The following ASB5 variants were observed in gnomAD, a reference collection of about 807,000 sequenced individuals.
ASB5 encodes the protein ankyrin repeat and SOCS box containing 5.
A neutral mutation model predicts 42.1 loss-of-function variants in ASB5; 45 were observed. The observed-to-expected ratio is 1.07, with a 90% CI of 0.84 to 1.37. The LOEUF (loss-of-function observed/expected upper bound fraction) is 1.37, where lower values mean the gene tolerates loss of function less well. ASB5 is among the 40% of genes most tolerant of loss of function. The probability of loss-of-function intolerance (pLI) is 0.00; values close to 1 mark genes in which losing one functional copy is unlikely to be tolerated. For synonymous variants in ASB5, 147 were observed against 150.6 expected, an observed-to-expected ratio of 0.98 and a Z score of 0.18; for missense variants, 402 against 399.8, an observed-to-expected ratio of 1.01 and a Z score of -0.05.
At chr4:176,222,704 T>C (rs974749088) in intron 2 of ASB5, among the ~76,000 whole-genome samples, 2 of 152,024 alleles carry the variant, frequency 1.3e-5, no homozygotes, top group African/African-American at 2.4e-5. Flanking sequence ...TTTCTTAATA[T>C]TTTTTTATCC....
intron 5 of ASB5, among the ~76,000 whole-genome samples, chr4:176,218,624 A>G (rs1753062595): frequency 9.3e-6 from 1 of 107,570 alleles, no homozygotes; most frequent in Non-Finnish European, 1.7e-5. Flanking sequence ...ATATATAAAT[A>G]TATATTTGTA....
upstream of ASB5, among the ~76,000 whole-genome samples, chr4:176,269,603 A>T (rs1579338652): frequency 6.6e-6 from 1 of 151,950 alleles, no homozygotes; most frequent in Non-Finnish European, 1.5e-5. Flanking sequence ...TATTTTAATG[A>T]CTACTCATCA....
chr4:176,234,794 G>T (rs1045089309), intron 1 of ASB5, among the ~76,000 whole-genome samples: 2 of 152,250 alleles, frequency 1.3e-5, no homozygotes, highest in East Asian at 3.9e-4. Flanking sequence ...GGCTCACTCT[G>T]TTTTTTACAC....
chr4:176,241,698 G>A (rs1433041516), intron 1 of ASB5: 1 of 1,286,416 alleles, frequency 7.8e-7, no homozygotes, highest in Non-Finnish European at 9.9e-7. Flanking sequence ...AGGTCTGAGA[G>A]TAAGCCTGAC....
chr4:176,250,836 TA>T (rs1191674805), intron 1 of ASB5, among the ~76,000 whole-genome samples: 1 of 152,266 alleles, frequency 6.6e-6, no homozygotes, highest in Non-Finnish European at 1.5e-5. Context: ...AACGTGTTTA[TA>T]ATGGTACTTG....
chr4:176,273,140 C>G (rs1000568203), upstream of ASB5, among the ~76,000 whole-genome samples: 1 of 151,912 alleles, frequency 6.6e-6, no homozygotes, highest in African/African-American at 2.4e-5. Flanking sequence ...TGGTAGACAT[C>G]TAAAGGCTCT....
chr4:176,218,605 A>G (rs1753060803), intron 5 of ASB5, among the ~76,000 whole-genome samples: 1 of 112,456 alleles, frequency 8.9e-6, no homozygotes, highest in African/African-American at 3.6e-5. Context: ...ATATAAATAT[A>G]TATGTATGAT....
At chr4:176,271,428 G>A (rs35023550), upstream of ASB5, among the ~76,000 whole-genome samples, 27,156 of 151,984 alleles carry the variant, frequency 0.18, 3,167 homozygotes, top group Middle Eastern at 0.32. Flanking sequence ...TTTTCATTTC[G>A]TCAGGAAAAT....
chr4:176,230,310 AT>A, intron 1 of ASB5, among the ~76,000 whole-genome samples: 1 of 152,306 alleles, frequency 6.6e-6, no homozygotes, highest in African/African-American at 2.4e-5. Flanking sequence ...TGACTAAAAT[AT>A]TTTTGTGTGC....
intron 1 of ASB5, among the ~76,000 whole-genome samples, chr4:176,233,698 C>G (rs1753611391): frequency 6.6e-6 from 1 of 152,132 alleles, no homozygotes; most frequent in Non-Finnish European, 1.5e-5. Flanking sequence ...TCCTCATCAT[C>G]CAAGCTCAGT....
chr4:176,249,314 G>T (rs1445114561), intron 1 of ASB5, among the ~76,000 whole-genome samples: 1 of 152,156 alleles, frequency 6.6e-6, no homozygotes, highest in Non-Finnish European at 1.5e-5. Context: ...TGTAAACAAA[G>T]TTCTGACCAT....
intron 2 of ASB5, among the ~76,000 whole-genome samples, chr4:176,223,755 G>A (rs1753290516): frequency 6.6e-6 from 1 of 152,196 alleles, no homozygotes; most frequent in Non-Finnish European, 1.5e-5. Context: ...AGAAGCACCT[G>A]AGAAGGCCAA....
intron 5 of ASB5, among the ~76,000 whole-genome samples, chr4:176,219,656 C>T (rs1462165251): frequency 7.3e-6 from 1 of 136,110 alleles, no homozygotes; most frequent in South Asian, 2.4e-4. Context: ...CTCACTGTTA[C>T]CTCCACCTCC....
chr4:176,265,284 C>T (rs1436087651), intron 1 of ASB5, among the ~76,000 whole-genome samples: 1 of 152,174 alleles, frequency 6.6e-6, no homozygotes, highest in Non-Finnish European at 1.5e-5. Context: ...ATGCCTTGCT[C>T]ATTCCTGGAG....
rs751252627 is a variant in ASB5, at chr4:176,215,685, C to T, written c.905G>A (p.Arg302Gln). The T allele has an allele frequency of 9.3e-6, 15 of 1,612,616 alleles. No individual in the cohort carries two copies. In the East Asian group the frequency reaches 1.6e-4, roughly 17 times the overall value. ...SLYQLCRLCIRSYIGKPRLHL... is the reference protein window; with the variant it reads ...SLYQLCRLCIQSYIGKPRLHL... ...CAATCTTGGTTTTCCTATGTAGCTT[C>T]GGATACAGAGTCGGCAAAGTTGGTA... is the stretch of plus-strand genomic sequence containing the variant. The change falls in exon 7 of 7, where the codon CGA (arginine) becomes CAA (glutamine). Residue 302 changes from arginine to glutamine, a missense_variant. Coordinates refer to ENST00000296525, the MANE Select transcript of ASB5 (RefSeq NM_080874.4).
chr4:176,243,994 T>A (rs1411493602), intron 1 of ASB5, among the ~76,000 whole-genome samples: 1 of 152,252 alleles, frequency 6.6e-6, no homozygotes, highest in Non-Finnish European at 1.5e-5. Context: ...TGTAATCTTT[T>A]AACTGGAAAA....
chr4:176,219,293 T>A (rs1197684525), intron 5 of ASB5, among the ~76,000 whole-genome samples: 3 of 110,014 alleles, frequency 2.7e-5, no homozygotes, highest in African/African-American at 1.0e-4. Flanking sequence ...TAAATATATA[T>A]ATTTGTATGA....
chr4:176,269,547 A>G (rs1247009260), upstream of ASB5, among the ~76,000 whole-genome samples: 1 of 152,202 alleles, frequency 6.6e-6, no homozygotes, highest in African/African-American at 2.4e-5. Flanking sequence ...ATGGCACTGT[A>G]CTATTTGTAG....
chr4:176,228,117 T>C (rs1237014855), intron 1 of ASB5, among the ~76,000 whole-genome samples: 1 of 152,240 alleles, frequency 6.6e-6, no homozygotes, highest in Non-Finnish European at 1.5e-5. Context: ...TTTAGCAAGA[T>C]CTTTTTAATT....
Sources: allele counts gnomAD v4.1 joint callset (sites outside exome capture counted in the v4.1 genomes callset), GRCh38; gene constraint gnomAD v4.1.1; transcripts MANE v1.5; gene names NCBI Gene and HGNC (gene_info 2026-07-23, HGNC 2026-07-21).